The following SLC25A48 variants were observed in gnomAD, a reference collection of about 807,000 sequenced individuals.
The protein encoded by SLC25A48 is CTC-321K16.1.
In SLC25A48, 29 loss-of-function variants were observed where a neutral mutation model predicts 32.2. The observed-to-expected ratio is 0.90, with a 90% CI of 0.67 to 1.23. The LOEUF is 1.23. SLC25A48 is among the 50% of genes most tolerant of loss of function. The pLI is 0.00. For missense variants in SLC25A48, 399 were observed against 422.7 expected (o/e 0.94, Z 0.49); for synonymous variants, 164 against 172.3 (o/e 0.95, Z 0.38).
At chr5:135,601,997 C>T (rs1328899563) in intron 1 of SLC25A48, among the ~76,000 whole-genome samples, 1 of 152,160 alleles carries the variant, frequency 6.6e-6, no homozygotes, top group Non-Finnish European at 1.5e-5. Context: ...ACAGTGCCTG[C>T]CACTTAGTAG....
intron 1 of SLC25A48, among the ~76,000 whole-genome samples, chr5:135,839,779 C>A (rs151155354): frequency 8.3e-4 from 126 of 152,226 alleles, no homozygotes; most frequent in African/African-American, 2.9e-3. Context: ...GTAATTGAAT[C>A]ATGGGGGCGA....
chr5:135,837,050 C>T lies in SLC25A48; in HGVS notation c.46+2157C>T, dbSNP rs1758596132. On this transcript the variant is annotated intron_variant, in intron 1 of 7. Transcript: ENST00000681962. ...GTGCCAAGGTCTGGAAATCACTGACCTTATAATCCCATTTTTTTAAATCTC... is the reference window on the plus strand; with the variant it reads ...GTGCCAAGGTCTGGAAATCACTGACTTTATAATCCCATTTTTTTAAATCTC... Among the ~76,000 whole-genome samples the T allele has an allele frequency of 3.8e-5, 5 of 130,410 alleles. No individual in the cohort carries two copies. In the Admixed American group the frequency reaches 3.8e-4, roughly 10 times the overall value. 85.6% of individuals were successfully genotyped at this position (130,410 alleles called of 152,430 possible). A position where few individuals can be genotyped will look rare whatever the true frequency, so the allele number is the denominator to read the frequency against.
At chr5:135,695,232 C>T (rs1245008350) in intron 3 of SLC25A48, among the ~76,000 whole-genome samples, 1 of 152,196 alleles carries the variant, frequency 6.6e-6, no homozygotes, top group African/African-American at 2.4e-5. Flanking sequence ...AGGTAGTGGC[C>T]TTCCCTTCCT....
chr5:135,623,508 G>A (rs1752371540), intron 1 of SLC25A48, among the ~76,000 whole-genome samples: 1 of 152,208 alleles, frequency 6.6e-6, no homozygotes, highest in African/African-American at 2.4e-5. Flanking sequence ...GGGTGTTGGA[G>A]CCATATAAAT....
At chr5:135,592,461 T>C (rs559680643) in intron 1 of SLC25A48, among the ~76,000 whole-genome samples, 2 of 152,306 alleles carry the variant, frequency 1.3e-5, no homozygotes, top group Admixed American at 1.3e-4. Flanking sequence ...ACTGTATCTG[T>C]AGAACGCATG....
chr5:135,695,362 G>A (rs1423641210), intron 3 of SLC25A48, among the ~76,000 whole-genome samples: 1 of 152,234 alleles, frequency 6.6e-6, no homozygotes, highest in Non-Finnish European at 1.5e-5. Context: ...ATCTATGAGA[G>A]CAAATCTGGT....
At chr5:135,736,113 T>G (rs1288673051) in intron 3 of SLC25A48, among the ~76,000 whole-genome samples, 2 of 151,116 alleles carry the variant, frequency 1.3e-5, no homozygotes, top group Non-Finnish European at 2.9e-5. Flanking sequence ...AAAAGGAAGA[T>G]TGGAAAGACT....
chr5:135,667,463 ATGGGCTCATG>A lies in SLC25A48; in HGVS notation c.-521+32510_-521+32519del, dbSNP rs143842920. On this transcript the variant is annotated intron_variant, in intron 3 of 10. Transcript: ENST00000646290. ...CCCGAACAGTAACAACCAATGAGCT[ATGGGCTCATG>A]TGCTAAGCCAGCTGCGTCCACCAAT... Among the ~76,000 whole-genome samples, 1,349 of 152,312 alleles carry A rather than the reference ATGGGCTCATG, an allele frequency of 8.9e-3. 20 individuals are homozygous for A. The highest frequency in any genetic ancestry group is 0.03 in the African/African-American group (1,264 of 41,566).
intron 3 of SLC25A48, among the ~76,000 whole-genome samples, chr5:135,734,821 CAAA>C (rs1186711507): frequency 4.3e-5 from 5 of 116,796 alleles, no homozygotes; most frequent in Admixed American, 9.2e-5. Flanking sequence ...CATCTCAAAA[CAAA>C]AAAAAAAAAA....
chr5:135,624,755 G>T (rs1580732318), intron 1 of SLC25A48, among the ~76,000 whole-genome samples: 1 of 152,244 alleles, frequency 6.6e-6, no homozygotes, highest in East Asian at 1.9e-4. Flanking sequence ...ACATAGAAAA[G>T]ACAGTGATTG....
chr5:135,696,760 C>T (rs1288544709), intron 3 of SLC25A48, among the ~76,000 whole-genome samples: 1 of 152,182 alleles, frequency 6.6e-6, no homozygotes, highest in Non-Finnish European at 1.5e-5. Flanking sequence ...CAGGTATGCT[C>T]AGGGCTAGCC....
chr5:135,707,637 C>G (rs1389100557), intron 3 of SLC25A48, among the ~76,000 whole-genome samples: 1 of 152,192 alleles, frequency 6.6e-6, no homozygotes, highest in African/African-American at 2.4e-5. Flanking sequence ...TCCCTTTGCT[C>G]AGGTCCTTGC....
intron 3 of SLC25A48, among the ~76,000 whole-genome samples, chr5:135,739,081 CAACA>C (rs935044498): frequency 2.2e-4 from 34 of 151,918 alleles, no homozygotes; most frequent in Non-Finnish European, 1.5e-4. Flanking sequence ...TACTCCATCT[CAACA>C]AACAAACAAA....
At chr5:135,818,137 TTCTC>T (rs1757787849) in intron 4 of SLC25A48, among the ~76,000 whole-genome samples, 1 of 141,726 alleles carries the variant, frequency 7.1e-6, no homozygotes, top group Admixed American at 7.3e-5. Flanking sequence ...TTCTGTTTCT[TTCTC>T]TCTCAGCTTT....
At chr5:135,627,923 G>A (rs1326110469) in intron 1 of SLC25A48, among the ~76,000 whole-genome samples, 1 of 152,142 alleles carries the variant, frequency 6.6e-6, no homozygotes, top group Non-Finnish European at 1.5e-5. Context: ...GTTGGGGGTG[G>A]GGACTGGGGC....
At chr5:135,837,864 C>T (rs991538085) in intron 1 of SLC25A48, among the ~76,000 whole-genome samples, 10 of 152,236 alleles carry the variant, frequency 6.6e-5, no homozygotes, top group Admixed American at 6.5e-4. Context: ...TAAGAATGGA[C>T]TAATACAGTA....
intron 3 of SLC25A48, among the ~76,000 whole-genome samples, chr5:135,674,845 T>C (rs1753731657): frequency 6.6e-6 from 1 of 151,998 alleles, no homozygotes; most frequent in Non-Finnish European, 1.5e-5. Flanking sequence ...TACTGTTTCC[T>C]TTTCTTTTGG....
chr5:135,626,541 T>A (rs1752444597), intron 1 of SLC25A48, among the ~76,000 whole-genome samples: 1 of 152,190 alleles, frequency 6.6e-6, no homozygotes, highest in South Asian at 2.1e-4. Flanking sequence ...AATTCCAGCA[T>A]ATATGTGTGT....
chr5:135,769,048 G>T (rs1016305046), intron 3 of SLC25A48, among the ~76,000 whole-genome samples: 1 of 151,618 alleles, frequency 6.6e-6, no homozygotes, highest in Non-Finnish European at 1.5e-5. Flanking sequence ...GGGGGAAGAG[G>T]ATAATATTAC....
Sources: gnomAD v4.1 joint callset for allele counts (sites outside exome capture counted in the v4.1 genomes callset) on GRCh38, gnomAD v4.1.1 for gene constraint, MANE v1.5 for transcripts, NCBI Gene and HGNC (gene_info 2026-07-23, HGNC 2026-07-21) for gene names.